The following BRIP1 variants were observed in gnomAD, a reference collection of about 807,000 sequenced individuals.
BRIP1 encodes Fanconi anemia group J protein.
A neutral mutation model predicts 119.7 loss-of-function variants in BRIP1; 88 were observed. The ratio of observed to expected loss-of-function variants is 0.74; its 90% confidence interval spans 0.62 to 0.88. The LOEUF is 0.88. Among genes scored for constraint, BRIP1 ranks in the 40% least tolerant of loss-of-function variants. The probability of loss-of-function intolerance (pLI) is 0.00; values close to 1 mark genes in which losing one functional copy is unlikely to be tolerated. For missense variants in BRIP1, 1,259 were observed against 1,455.4 expected (o/e 0.87, Z 2.20); for synonymous variants, 443 against 496.5 (o/e 0.89, Z 1.43).
At chr17:61,772,837 A>AAAC (rs1603323919) in intron 14 of BRIP1, among the ~76,000 whole-genome samples, 2 of 151,208 alleles carry the variant, frequency 1.3e-5, no homozygotes, top group South Asian at 2.1e-4. Context: ...AAAAAAAAAA[A>AAAC]AAAAAACCTA....
Position 61,690,538 on chromosome 17 carries a change from T to C in BRIP1, c.2575+2892A>G, listed in dbSNP as rs2061432906. Reference sequence around the variant, plus strand: ...AAGACCCATGTAACCACAAAGGAAATATCTATAGAAGGTATACAAAAGAAA... The same window carrying C: ...AAGACCCATGTAACCACAAAGGAAACATCTATAGAAGGTATACAAAAGAAA... On this transcript the variant is annotated intron_variant, in intron 18 of 19. Transcript: ENST00000259008. This position sits in a 1 kb window ranked among gnomAD's most constrained non-coding sequence, Gnocchi z 5.6. 6.6e-6 allele frequency among the ~76,000 whole-genome samples: 1 copy of C among 152,046 alleles called. No homozygotes were observed. The highest frequency in any genetic ancestry group is 6.5e-5 in the Admixed American group (1 of 15,274).
intron 11 of BRIP1, among the ~76,000 whole-genome samples, chr17:61,783,364 A>G (rs1237183860): frequency 6.6e-6 from 1 of 152,186 alleles, no homozygotes; most frequent in African/African-American, 2.4e-5. Flanking sequence ...CATAAGATGA[A>G]AATAGAATAC....
intron 6 of BRIP1, among the ~76,000 whole-genome samples, chr17:61,837,029 G>A (rs773112421): frequency 1.1e-4 from 17 of 152,018 alleles, no homozygotes; most frequent in African/African-American, 1.9e-4. Flanking sequence ...CTATAATTGC[G>A]GAAAATATTA....
chr17:61,739,487 A>AC lies in BRIP1; in HGVS notation c.2379+3525dup. On this transcript the variant is annotated intron_variant, in intron 16 of 19. Coordinates refer to ENST00000259008, the MANE Select transcript of BRIP1 (RefSeq NM_032043.3). The surrounding 1 kb of genome is among the most constrained non-coding windows in gnomAD (Gnocchi z 6.0). Reference sequence around the variant, plus strand: ...TAGACTCTGAATCATCAAGTGAGATACCCCCTGAGGACTTTCAGAAATTTT... The same window carrying AC: ...TAGACTCTGAATCATCAAGTGAGATACCCCCCTGAGGACTTTCAGAAATTTT... 1 of 179,030 alleles carries AC rather than the reference A, an allele frequency of 5.6e-6. No individual in the cohort carries two copies. Among genetic ancestry groups the AC allele is most frequent in the Non-Finnish European group, 1.2e-5 (1 of 83,452 alleles). The allele number at this position is 179,030 out of a possible 1,614,324, so 11.1% of individuals were successfully genotyped here.
intron 17 of BRIP1, among the ~76,000 whole-genome samples, chr17:61,697,121 G>A (rs2144223409): frequency 6.6e-6 from 1 of 150,956 alleles, no homozygotes; most frequent in South Asian, 2.1e-4. Context: ...TTTGGGAGGT[G>A]GATCACGAGG....
rs2061475931 is a variant in BRIP1, at chr17:61,693,395, A to C, written c.2575+35T>G. On this transcript the variant is annotated intron_variant, in intron 18 of 19. Coordinates refer to ENST00000259008, the MANE Select transcript of BRIP1 (RefSeq NM_032043.3). The surrounding 1 kb of genome is among the most constrained non-coding windows in gnomAD (Gnocchi z 4.2). ...CCACAATAAAAATATGAAGATTGTTACTAGTTTTTACTCTAAGCCCAGCTG... is the reference window on the plus strand; with the variant it reads ...CCACAATAAAAATATGAAGATTGTTCCTAGTTTTTACTCTAAGCCCAGCTG... The C allele has an allele frequency of 6.5e-7, 1 of 1,529,902 alleles. No homozygotes were observed. The highest frequency in any genetic ancestry group is 1.7e-5 in the Admixed American group (1 of 59,876). 94.8% of individuals were successfully genotyped at this position (1,529,902 alleles called of 1,614,324 possible). A position where few individuals can be genotyped will look rare whatever the true frequency, so the allele number is the denominator to read the frequency against.
chr17:61,787,142 T>A (rs1414309667), intron 10 of BRIP1, among the ~76,000 whole-genome samples: 1 of 105,584 alleles, frequency 9.5e-6, no homozygotes, highest in Non-Finnish European at 1.7e-5. Flanking sequence ...CTATATAAAA[T>A]ATATAAAAAT....
chr17:61,712,336 C>T (rs2061790354), intron 17 of BRIP1, among the ~76,000 whole-genome samples: 1 of 152,008 alleles, frequency 6.6e-6, no homozygotes, highest in Admixed American at 6.6e-5. Context: ...GCCTCAGCCT[C>T]CCCAGTAGCT....
chr17:61,698,075 G>A (rs1386831537), intron 17 of BRIP1, among the ~76,000 whole-genome samples: 1 of 152,182 alleles, frequency 6.6e-6, no homozygotes, highest in African/African-American at 2.4e-5. Flanking sequence ...CAAAGTGCTA[G>A]GATTACACAC....
rs546473430 is a variant in BRIP1, at chr17:61,835,088, TA to T, written c.627+12012del. Among the ~76,000 whole-genome samples, 299 of 152,376 alleles carry T rather than the reference TA, an allele frequency of 2.0e-3. 3 individuals carry two copies. The highest frequency in any genetic ancestry group is 3.0e-3 in the Non-Finnish European group (206 of 68,044). On this transcript the variant is annotated intron_variant, in intron 6 of 19. Coordinates refer to ENST00000259008, the MANE Select transcript of BRIP1 (RefSeq NM_032043.3). ...TAAGGATTAATGTTAATAATTTAAG[TA>T]CACATTTTGGTGGTTCCCAAATTTT...
At chr17:61,719,093 G>A (rs9652859) in intron 16 of BRIP1, among the ~76,000 whole-genome samples, 150,709 of 152,098 alleles carry the variant, frequency 0.99, 74,678 homozygotes, top group East Asian at 1. Flanking sequence ...CAGAGGGCCA[G>A]TTGTGTATTT....
chr17:61,747,556 C>T (rs2077074629), intron 14 of BRIP1, among the ~76,000 whole-genome samples: 1 of 151,706 alleles, frequency 6.6e-6, no homozygotes, highest in African/African-American at 2.4e-5. Flanking sequence ...TAATATACAA[C>T]CTACTAAGAC....
Position 61,784,424 on chromosome 17 carries a change from C to A in BRIP1, c.1474G>T (p.Gly492Ter), listed in dbSNP as rs2145142389. The A allele has an allele frequency of 6.2e-7, 1 of 1,611,406 alleles. No homozygotes were observed. Among genetic ancestry groups the A allele is most frequent in the East Asian group, 2.2e-5 (1 of 44,764 alleles). Residue 492 changes from glycine (G) to a stop codon, truncating the protein, a stop_gained and splice_region_variant, in exon 11 of 20, where the codon GGA becomes TGA. Transcript: ENST00000259008. LOFTEE classifies it high-confidence loss of function. ...TTTTGAAGAACAGCAGAAAAATGTCCCTATAAGAAATTACCATATTAAGTA... is the reference window on the plus strand; with the variant it reads ...TTTTGAAGAACAGCAGAAAAATGTCACTATAAGAAATTACCATATTAAGTA... ...ITTATFPILQGHFSAVLQKEE... is the reference protein window; with the variant it reads ...ITTATFPILQ
intron 16 of BRIP1, among the ~76,000 whole-genome samples, chr17:61,723,846 C>T (rs1236134419): frequency 6.6e-6 from 1 of 152,040 alleles, no homozygotes; most frequent in Non-Finnish European, 1.5e-5. Flanking sequence ...AAACTGAAGG[C>T]CCATAGTTGT....
intron 6 of BRIP1, among the ~76,000 whole-genome samples, chr17:61,829,001 G>A (rs2078449955): frequency 6.6e-6 from 1 of 151,982 alleles, no homozygotes; most frequent in Non-Finnish European, 1.5e-5. Context: ...CAGTGGTGAA[G>A]GTAAAGTAGA....
At chr17:61,697,872 C>A (rs1186661516) in intron 17 of BRIP1, among the ~76,000 whole-genome samples, 4 of 151,936 alleles carry the variant, frequency 2.6e-5, no homozygotes, top group African/African-American at 9.7e-5. Flanking sequence ...GTGGCATGAT[C>A]TCAGCTCACT....
rs140581962 is a variant in BRIP1, at chr17:61,804,446, G to GTGTGTGTGTGTA, written c.919-2973_919-2972insTACACACACACA. Among the ~76,000 whole-genome samples, 20 of 140,792 alleles carry GTGTGTGTGTGTA rather than the reference G, an allele frequency of 1.4e-4. 1 individual carries two copies. The highest frequency in any genetic ancestry group is 6.1e-4 in the East Asian group (3 of 4,900). 92.4% of individuals were successfully genotyped at this position (140,792 alleles called of 152,430 possible). ...TGTGTGTGTGTGTGTGTGTGTGTGT[G>GTGTGTGTGTGTA]TATGTGTGTGTACATACACATACAT... On this transcript the variant is annotated intron_variant, in intron 7 of 19. Coordinates refer to ENST00000259008, the MANE Select transcript of BRIP1 (RefSeq NM_032043.3). The surrounding 1 kb of genome is among the most constrained non-coding windows in gnomAD (Gnocchi z 4.5).
rs772160050 is a variant in BRIP1, at chr17:61,683,255, C to G, written c.*41G>C. On this transcript the variant is annotated 3_prime_UTR_variant, in exon 20 of 20. Transcript: ENST00000259008. The surrounding 1 kb of genome is among the most constrained non-coding windows in gnomAD (Gnocchi z 4.7). ...TACTTACAACAGAGTTTAACATAAG[C>G]ATGATGACATATTTTTACTTAGCTT... is the stretch of plus-strand genomic sequence containing the variant. 2 of 1,573,158 alleles carry G rather than the reference C, an allele frequency of 1.3e-6. No individual in the cohort carries two copies. Among genetic ancestry groups the G allele is most frequent in the Admixed American group, 3.4e-5 (2 of 58,952 alleles).
chr17:61,712,320 TCTC>T (rs1490553337), intron 17 of BRIP1, among the ~76,000 whole-genome samples: 2 of 151,990 alleles, frequency 1.3e-5, no homozygotes, highest in Admixed American at 6.6e-5. Flanking sequence ...TTCAAGCAAT[TCTC>T]CTGCCTCAGC....
Sources: allele counts gnomAD v4.1 joint callset (sites outside exome capture counted in the v4.1 genomes callset), GRCh38; gene constraint gnomAD v4.1.1; non-coding constraint Gnocchi (gnomAD v3.1); transcripts MANE v1.5; gene names NCBI Gene and HGNC (gene_info 2026-07-23, HGNC 2026-07-21).